The following PHEX variants were observed in gnomAD, a reference collection of about 807,000 sequenced individuals.
The protein encoded by PHEX is phosphate-regulating neutral endopeptidase PHEX.
A neutral mutation model predicts 68.0 loss-of-function variants in PHEX; 16 were observed. That is an observed-to-expected ratio of 0.24 (90% confidence interval 0.16 to 0.36). The LOEUF is 0.36. Ranked by LOEUF, PHEX falls within the 10% of genes least tolerant of loss-of-function variation. The pLI, the probability that PHEX is intolerant of heterozygous loss-of-function variation, is 1.00. For synonymous variants in PHEX, 208 were observed against 205.1 expected, an observed-to-expected ratio of 1.01 and a Z score of -0.12; for missense variants, 480 against 575.5, an observed-to-expected ratio of 0.83 and a Z score of 1.70.
At chrX:22,164,259 G>T (rs1248231042) in intron 12 of PHEX, among the ~76,000 whole-genome samples, 1 of 111,749 alleles carries the variant, frequency 8.9e-6, no homozygotes, top group East Asian at 2.8e-4. Context: ...TGACAACGAA[G>T]TCTGTGGCAG....
chrX:22,068,812 T>C (rs1209667078), intron 3 of PHEX, among the ~76,000 whole-genome samples: 7 of 111,885 alleles, frequency 6.3e-5, no homozygotes, highest in Non-Finnish European at 3.8e-5. Context: ...CACGGCTTTT[T>C]CCTTGTAACG....
At chrX:22,177,853 C>G (rs1465225159) in intron 13 of PHEX, among the ~76,000 whole-genome samples, 7 of 111,914 alleles carry the variant, frequency 6.3e-5, no homozygotes, top group Non-Finnish European at 9.4e-5. Context: ...TTTCAGCCAA[C>G]TAAACTGCAT....
intron 16 of PHEX, among the ~76,000 whole-genome samples, chrX:22,214,161 G>T (rs1935013477): frequency 8.9e-6 from 1 of 111,969 alleles, no homozygotes; most frequent in Admixed American, 9.5e-5. Flanking sequence ...AAGCTCTAGA[G>T]ATGAATCTGT....
intron 12 of PHEX, among the ~76,000 whole-genome samples, chrX:22,139,510 C>T (rs771097100): frequency 9.9e-5 from 11 of 111,156 alleles, no homozygotes; most frequent in African/African-American, 3.3e-4. Context: ...AAGTCTCGCT[C>T]TGTTGCCCAG....
At chrX:22,216,154 C>T (rs1364436786) in intron 16 of PHEX, among the ~76,000 whole-genome samples, 1 of 111,862 alleles carries the variant, frequency 8.9e-6, no homozygotes, top group African/African-American at 3.3e-5. Context: ...GGGGCCCATT[C>T]CTCTAGTAGG....
At chrX:22,111,637 A>G (rs1930975320) in intron 10 of PHEX, 77 bp downstream of exon 10, 1 of 769,480 alleles carries the variant, frequency 1.3e-6, no homozygotes, top group Non-Finnish European at 2.0e-6. Context: ...TAACTGATCC[A>G]GTAAAAATCA....
chrX:22,035,821 T>C (rs988328752), intron 1 of PHEX, among the ~76,000 whole-genome samples: 3 of 109,879 alleles, frequency 2.7e-5, no homozygotes, highest in Non-Finnish European at 1.9e-5. Context: ...AAAAGTAACA[T>C]CTTAATTTTT....
intron 12 of PHEX, among the ~76,000 whole-genome samples, chrX:22,146,202 A>C (rs1316960130): frequency 8.9e-6 from 1 of 112,304 alleles, no homozygotes; most frequent in Non-Finnish European, 1.9e-5. Flanking sequence ...TCTCCCACCA[A>C]TGAACAGTAT....
rs978046813 is a variant in PHEX at position 22,055,968 on chromosome X, A to G, written c.349+8757A>G. On this transcript the variant is annotated intron_variant, in intron 3 of 21. Transcript: ENST00000379374. ...ATTTTAAGATCTGATCTCTTCCCCT[A>G]TTGCTTTAATGTAGCTCCTCTGTCA... 3.6e-5 allele frequency among the ~76,000 whole-genome samples: 4 copies of G among 111,544 alleles called. No individual in the cohort carries two copies. The Admixed American group carries it at 3.8e-4, about 11-fold the overall frequency.
chrX:22,111,053 C>T (rs1304415188), intron 9 of PHEX, among the ~76,000 whole-genome samples: 3 of 112,467 alleles, frequency 2.7e-5, no homozygotes, highest in Admixed American at 9.4e-5. Flanking sequence ...CAGACAGTGA[C>T]CCTGGCCCAG....
In PHEX at chrX:22,114,444, A is replaced by G. The variant is rs1215274130; in HGVS notation, c.1174-14A>G. On this transcript the variant is annotated splice_polypyrimidine_tract_variant and intron_variant, in intron 10 of 21. Transcript: ENST00000379374. Reference sequence around the variant, plus strand: ...TCCAAATGAAGTTTAATCTGGATCAATTATCTCCCACAGGTAATCCAGGGG... The same window carrying G: ...TCCAAATGAAGTTTAATCTGGATCAGTTATCTCCCACAGGTAATCCAGGGG... 12 of 1,203,678 alleles carry G rather than the reference A, an allele frequency of 1.0e-5. No individual in the cohort carries two copies. The highest frequency in any genetic ancestry group is 2.3e-4 in the Middle Eastern group (1 of 4,343).
At chrX:22,166,719 A>G (rs757088418) in intron 12 of PHEX, among the ~76,000 whole-genome samples, 1 of 111,137 alleles carries the variant, frequency 9.0e-6, no homozygotes, top group Non-Finnish European at 1.9e-5. Flanking sequence ...TGTACAATAC[A>G]TCTCCTAAAC....
At chrX:22,033,534 TTAA>T (rs1926892257) in intron 1 of PHEX, among the ~76,000 whole-genome samples, 1 of 112,608 alleles carries the variant, frequency 8.9e-6, no homozygotes, top group Admixed American at 9.4e-5. Context: ...TTGACTTTTA[TTAA>T]TGTTTGCTTG....
intron 12 of PHEX, among the ~76,000 whole-genome samples, chrX:22,166,813 A>G (rs1933339637): frequency 9.0e-6 from 1 of 110,836 alleles, no homozygotes; most frequent in Non-Finnish European, 1.9e-5. Context: ...CCACCATCCT[A>G]CTGTACTCTG....
intron 15 of PHEX, among the ~76,000 whole-genome samples, chrX:22,199,985 T>C (rs6629454): frequency 0.49 from 53,696 of 110,327 alleles, 10,081 homozygotes; most frequent in South Asian, 0.8. Flanking sequence ...TTTTCTAACT[T>C]TTCCACTAGG....
At chrX:22,099,501 T>C (rs1930322121) in intron 9 of PHEX, 2 of 194,705 alleles carry the variant, frequency 1.0e-5, no homozygotes, top group Non-Finnish European at 1.9e-5. Flanking sequence ...TCTCAATCTT[T>C]TGCTGCTTTT....
chrX:22,248,195 C>A lies in PHEX; in HGVS notation c.*242C>A. On this transcript the variant is annotated 3_prime_UTR_variant, in exon 22 of 22. Coordinates refer to ENST00000379374, the MANE Select transcript of PHEX (RefSeq NM_000444.6). ...AAAATCAAACCAACAAAAATAAATC[C>A]CTAGGCTACTTTTGTTAAAATGCTA... The A allele has an allele frequency of 2.5e-6, 1 of 398,790 alleles. No homozygotes were observed. The highest frequency in any genetic ancestry group is 4.4e-6 in the Non-Finnish European group (1 of 227,731). The allele number at this position is 398,790 out of a possible 1,213,427, so 32.9% of individuals were successfully genotyped here.
At chrX:22,089,344 C>T (rs1292027) in intron 5 of PHEX, among the ~76,000 whole-genome samples, 27,291 of 109,796 alleles carry the variant, frequency 0.25, 2,780 homozygotes, top group African/African-American at 0.36. Flanking sequence ...TTTTCTAACA[C>T]GCTCTTTGAA....
intron 14 of PHEX, among the ~76,000 whole-genome samples, chrX:22,183,361 G>T (rs1175071112): frequency 9.0e-6 from 1 of 111,264 alleles, no homozygotes; most frequent in Non-Finnish European, 1.9e-5. Context: ...ACTTTAAGAG[G>T]TAGGCCTAAA....
Sources: allele counts gnomAD v4.1 joint callset (sites outside exome capture counted in the v4.1 genomes callset), GRCh38; gene constraint gnomAD v4.1.1; transcripts MANE v1.5; gene names NCBI Gene and HGNC (gene_info 2026-07-23, HGNC 2026-07-21).